TENM4: variants seen among roughly 807,000 people sequenced by gnomAD.
TENM4 encodes teneurin-4.
A neutral mutation model predicts 243.3 loss-of-function variants in TENM4; 82 were observed. The ratio of observed to expected loss-of-function variants is 0.34; its 90% CI spans 0.28 to 0.40. The LOEUF (loss-of-function observed/expected upper bound fraction) is 0.40. Among genes scored for constraint, TENM4 ranks in the 10% least tolerant of loss-of-function variants. TENM4 has a pLI of 1.00. For synonymous variants in TENM4, 1,412 were observed against 1,456.3 expected (o/e 0.97, Z 0.69); for missense variants, 3,138 against 3,673.3 (o/e 0.85, Z 3.77).
chr11:79,378,643 C>T (rs777913492), intron 1 of TENM4, among the ~76,000 whole-genome samples: 24 of 152,062 alleles, frequency 1.6e-4, no homozygotes, highest in Admixed American at 2.6e-4. Context: ...CTCGAACCAC[C>T]ACTAATGAAC....
chr11:79,385,364 T>C (rs945564091), intron 1 of TENM4, among the ~76,000 whole-genome samples: 4 of 152,226 alleles, frequency 2.6e-5, no homozygotes, highest in Non-Finnish European at 4.4e-5. Flanking sequence ...TGGTCAATAA[T>C]GTTCATTCAG....
At chr11:79,116,969 A>G (rs1861635178) in intron 4 of TENM4, among the ~76,000 whole-genome samples, 1 of 152,002 alleles carries the variant, frequency 6.6e-6, no homozygotes, top group Non-Finnish European at 1.5e-5. Context: ...AATCCAATTT[A>G]CTCTCCAGTT....
At position 79,020,601 on chromosome 11, in the gene TENM4, GCAA is replaced by G. The variant is rs1331365054; in HGVS notation, c.493+44134_493+44136del. 7.6e-4 allele frequency among the ~76,000 whole-genome samples: 94 copies of G among 124,314 alleles called. No individual in the cohort carries two copies. The South Asian group carries it at 0.012, about 15-fold the overall frequency. The allele number at this position is 124,314 out of a possible 152,430, so 81.6% of individuals were successfully genotyped here. A position where few individuals can be genotyped will look rare whatever the true frequency, so the allele number is the denominator to read the frequency against. ...AGCCTTTAAACCCTGGAATGTAAAT[GCAA>G]TTTTTTTTTTCCTGGCATTAAAAAA... is the stretch of plus-strand genomic sequence containing the variant. On this transcript the variant is annotated intron_variant, in intron 6 of 33. Coordinates refer to ENST00000278550, the MANE Select transcript of TENM4 (RefSeq NM_001098816.3).
intron 2 of TENM4, among the ~76,000 whole-genome samples, chr11:79,239,052 A>G (rs938243619): frequency 4.0e-5 from 6 of 148,870 alleles, no homozygotes; most frequent in Non-Finnish European, 9.0e-5. Context: ...AACACGCAAA[A>G]AGAATTAGGT....
intron 6 of TENM4, among the ~76,000 whole-genome samples, chr11:78,976,083 A>C (rs562618615): frequency 6.3e-4 from 96 of 152,310 alleles, no homozygotes; most frequent in African/African-American, 2.3e-3. Context: ...TAATAAACAT[A>C]ATAATGTACA....
At chr11:79,132,817 C>G (rs1449884051) in intron 4 of TENM4, among the ~76,000 whole-genome samples, 2 of 152,004 alleles carry the variant, frequency 1.3e-5, no homozygotes, top group Non-Finnish European at 2.9e-5. Context: ...ATGACACAAC[C>G]TATCAACACC....
intron 4 of TENM4, among the ~76,000 whole-genome samples, chr11:79,092,032 C>T (rs1038064737): frequency 1.5e-4 from 23 of 152,264 alleles, no homozygotes; most frequent in African/African-American, 5.3e-4. Flanking sequence ...CTCCTGGATT[C>T]TGTTGGAGAG....
intron 1 of TENM4, among the ~76,000 whole-genome samples, chr11:79,437,044 A>G (rs901997666): frequency 2.0e-5 from 3 of 152,236 alleles, no homozygotes; most frequent in Admixed American, 6.5e-5. Flanking sequence ...TACGGCACAC[A>G]GGTGCCGCTA....
At chr11:78,729,165 T>C (rs1197885337) in intron 22 of TENM4, among the ~76,000 whole-genome samples, 2 of 152,320 alleles carry the variant, frequency 1.3e-5, no homozygotes, top group East Asian at 3.9e-4. Flanking sequence ...TTTGGTTCTG[T>C]AGCCTCATTG....
rs865866112 is a variant in TENM4 at position 78,899,564 on chromosome 11, G to A, written c.749+3704C>T. Among the ~76,000 whole-genome samples, 2 of 134,844 alleles carry A rather than the reference G, an allele frequency of 1.5e-5. 1 individual carries two copies. The highest frequency in any genetic ancestry group is 3.2e-5 in the Non-Finnish European group (2 of 62,192). 88.5% of individuals were successfully genotyped at this position (134,844 alleles called of 152,430 possible). ...CTGCACTCTGTCTCAAAAAGCGGGG[G>A]GGGGGGGAAAAAGAAAAAAGAAAGA... On this transcript the variant is annotated intron_variant, in intron 7 of 33. Transcript: ENST00000278550.
intron 15 of TENM4, 84 bp downstream of exon 15, chr11:78,805,208 A>G: frequency 1.5e-6 from 1 of 672,716 alleles, no homozygotes; most frequent in South Asian, 3.0e-5. Flanking sequence ...TTGCTACGTG[A>G]TTGGGAACAG....
rs1164739927 is a variant in TENM4, at chr11:78,876,786, T to C, written c.1084+12999A>G. On this transcript the variant is annotated intron_variant, in intron 9 of 33. Coordinates refer to ENST00000278550, the MANE Select transcript of TENM4 (RefSeq NM_001098816.3). ...CAGTCCAAAAGACAGGCTCAGTGAA[T>C]GCTCCCCACCAGTTTAAACCTGAAT... Among the ~76,000 whole-genome samples the C allele has an allele frequency of 3.3e-5, 5 of 152,256 alleles. No homozygotes were observed. In the East Asian group the frequency reaches 9.6e-4, roughly 29 times the overall value.
chr11:78,912,548 G>A (rs908877022), intron 6 of TENM4, among the ~76,000 whole-genome samples: 2 of 152,216 alleles, frequency 1.3e-5, no homozygotes, highest in African/African-American at 4.8e-5. Flanking sequence ...GAGCCACCGC[G>A]CCTAGCCGAC....
At chr11:79,261,211 T>G (rs1034347337) in intron 2 of TENM4, among the ~76,000 whole-genome samples, 1 of 152,174 alleles carries the variant, frequency 6.6e-6, no homozygotes, top group Admixed American at 6.5e-5. Context: ...CCCCTGACCC[T>G]GGGTCCAGAC....
intron 3 of TENM4, among the ~76,000 whole-genome samples, chr11:79,184,959 C>A (rs1021983274): frequency 6.6e-6 from 1 of 152,152 alleles, no homozygotes; most frequent in Non-Finnish European, 1.5e-5. Context: ...CAGCTTATAT[C>A]TTATATTCTG....
chr11:78,925,033 A>C (rs1856524664), intron 6 of TENM4, among the ~76,000 whole-genome samples: 1 of 152,210 alleles, frequency 6.6e-6, no homozygotes, highest in Non-Finnish European at 1.5e-5. Flanking sequence ...AATTTCATAC[A>C]CGTCACCGCT....
intron 15 of TENM4, among the ~76,000 whole-genome samples, chr11:78,800,538 G>C (rs1857259902): frequency 6.6e-6 from 1 of 152,158 alleles, no homozygotes; most frequent in South Asian, 2.1e-4. Flanking sequence ...TAGGTTCGCT[G>C]TCGGGTAGTG....
chr11:79,374,323 A>T (rs1857847045), intron 1 of TENM4, among the ~76,000 whole-genome samples: 1 of 152,082 alleles, frequency 6.6e-6, no homozygotes, highest in South Asian at 2.1e-4. Context: ...CTATGTGGCA[A>T]AGTCATTTGT....
At chr11:78,819,644 C>T (rs969498474) in intron 12 of TENM4, among the ~76,000 whole-genome samples, 3 of 152,166 alleles carry the variant, frequency 2.0e-5, no homozygotes, top group African/African-American at 7.2e-5. Flanking sequence ...AAGGAACCAG[C>T]TTTGTGAATG....
Sources: gnomAD v4.1 joint callset for allele counts (sites outside exome capture counted in the v4.1 genomes callset) on GRCh38, gnomAD v4.1.1 for gene constraint, MANE v1.5 for transcripts, NCBI Gene and HGNC (gene_info 2026-07-23, HGNC 2026-07-21) for gene names.